KLB: variants seen among roughly 807,000 people sequenced by gnomAD.
KLB encodes the protein klotho beta, also known as beta-klotho.
In KLB, 44 loss-of-function variants were observed where a neutral mutation model predicts 88.4. The ratio of observed to expected loss-of-function variants is 0.50; its 90% confidence interval spans 0.39 to 0.64. KLB has a LOEUF of 0.64. Among genes scored for constraint, KLB ranks in the 30% least tolerant of loss-of-function variants. The pLI, the probability that KLB is intolerant of heterozygous loss-of-function variation, is 0.00. For missense variants in KLB, 1,137 were observed against 1,304.8 expected (o/e 0.87, Z 1.98); for synonymous variants, 548 against 513.4 (o/e 1.07, Z -0.91).
In KLB at chr4:39,448,288, TTATC is replaced by T. The variant is rs1450461629; in HGVS notation, c.2750-11_2750-8del. On this transcript the variant is annotated splice_polypyrimidine_tract_variant and intron_variant, in intron 4 of 4. Transcript: ENST00000257408. ...TCCATTTGTGATTAATGTTAATTTCTTATCTTTTTCAGCATACCTGATTGATAAA... is the reference window on the plus strand; with the variant it reads ...TCCATTTGTGATTAATGTTAATTTCTTTTTTCAGCATACCTGATTGATAAA... 1.3e-6 allele frequency: 2 copies of T among 1,538,170 alleles called. No individual in the cohort carries two copies. Among genetic ancestry groups the T allele is most frequent in the African/African-American group, 1.4e-5 (1 of 72,490 alleles).
rs1395563356 is a variant in KLB at position 39,437,945 on chromosome 4, G to A, written c.1555G>A (p.Gly519Ser). The change falls in exon 3 of 5, where the codon GGC becomes AGC. Residue 519 changes from glycine to serine, a missense_variant. Physicochemically the swap from Gly to Ser is moderately conservative, Grantham distance 56. Coordinates refer to ENST00000257408, the MANE Select transcript of KLB (RefSeq NM_175737.4). ...AAAAGAGTCCACGCCAGATGTGCAG[G>A]GCCAGTTTCCCTGTGACTTCTCCTG... ...SLKESTPDVQ[G>S]QFPCDFSWGV... 6.2e-7 allele frequency: 1 copy of A among 1,614,142 alleles called. No individual in the cohort carries two copies. Among genetic ancestry groups the A allele is most frequent in the East Asian group, 2.2e-5 (1 of 44,890 alleles).
intron 3 of KLB, chr4:39,441,806 ATAAAGATGAATGG>A (rs1743603726): frequency 6.6e-6 from 1 of 151,060 alleles, no homozygotes; most frequent in African/African-American, 2.4e-5. Context: ...AAATAAATAA[ATAAAGATGAATGG>A]TTTGCCAAGA....
At position 39,449,412 on chromosome 4, in the gene KLB, T is replaced by C. The variant is rs1743840363; in HGVS notation, c.*726T>C. ...CTTCTTTAAACTGGGTAGTCAGTGA[T>C]AGATAATATATATTCTGTCACTTCT... On this transcript the variant is annotated 3_prime_UTR_variant, in exon 5 of 5. Transcript: ENST00000257408. The C allele has an allele frequency of 6.6e-6, 1 of 152,014 alleles. No individual in the cohort carries two copies. Among genetic ancestry groups the C allele is most frequent in the African/African-American group, 2.4e-5 (1 of 41,376 alleles). 9.4% of individuals were successfully genotyped at this position (152,014 alleles called of 1,614,324 possible).
At chr4:39,422,157 C>T (rs762063126) in intron 1 of KLB, among the ~76,000 whole-genome samples, 5 of 152,200 alleles carry the variant, frequency 3.3e-5, no homozygotes, top group South Asian at 4.2e-4. Context: ...TTCGGGTCTA[C>T]GGTGTAAAAG....
chr4:39,432,571 T>A (rs973359425), intron 1 of KLB, among the ~76,000 whole-genome samples: 4 of 152,208 alleles, frequency 2.6e-5, no homozygotes, highest in Admixed American at 6.5e-5. Context: ...ATGTTTCTCT[T>A]TCACATGCTG....
In KLB at chr4:39,448,513, T is replaced by C. The variant is rs1425525644; in HGVS notation, c.2962T>C (p.Cys988Arg). ...CCAAGAAAATACAGAGTGCACTGTC[T>C]GCTTATTCCTTGTGCAGAAGAAACC... ...QTQENTECTV[C>R]LFLVQKKPLI... The change falls in exon 5 of 5, where the codon TGC (cysteine) becomes CGC (arginine). Residue 988 changes from cysteine to arginine, a missense_variant. Physicochemically the swap from Cys to Arg is radical, Grantham distance 180. This residue lies in a region of KLB where 426 missense variants were observed against 404.6 expected (regional missense o/e 1.05). Transcript: ENST00000257408. The C allele has an allele frequency of 2.5e-6, 4 of 1,614,216 alleles. No individual in the cohort carries two copies. Among genetic ancestry groups the C allele is most frequent in the Admixed American group, 1.7e-5 (1 of 60,036 alleles).
intron 3 of KLB, among the ~76,000 whole-genome samples, chr4:39,439,818 C>T (rs558344636): frequency 6.2e-4 from 94 of 152,250 alleles, no homozygotes; most frequent in African/African-American, 2.2e-3. Context: ...CAGGCGTGTG[C>T]CACCACTCCT....
intron 1 of KLB, among the ~76,000 whole-genome samples, chr4:39,422,264 T>C (rs961690754): frequency 7.9e-5 from 12 of 152,200 alleles, no homozygotes; most frequent in African/African-American, 2.7e-4. Context: ...GCTTTACCAC[T>C]AACTGATATC....
At chr4:39,428,269 A>G (rs1743264385) in intron 1 of KLB, among the ~76,000 whole-genome samples, 1 of 152,142 alleles carries the variant, frequency 6.6e-6, no homozygotes, top group Non-Finnish European at 1.5e-5. Context: ...TCTACTAAAA[A>G]TACAAAAAAT....
rs1015481636 is a variant in KLB, at chr4:39,451,501, A to C, written c.*2815A>C. The C allele has an allele frequency of 1.3e-5, 2 of 152,236 alleles. No individual in the cohort carries two copies. The highest frequency in any genetic ancestry group is 4.8e-5 in the African/African-American group (2 of 41,458). The allele number at this position is 152,236 out of a possible 1,614,324, so 9.4% of individuals were successfully genotyped here. A position where few individuals can be genotyped will look rare whatever the true frequency, so the allele number is the denominator to read the frequency against. On this transcript the variant is annotated 3_prime_UTR_variant, in exon 5 of 5. Transcript: ENST00000257408. ...TTTCAATGTAATTTATTCCAAATAAACTGGTTCATGCTGACCACTTGTATT... is the reference window on the plus strand; with the variant it reads ...TTTCAATGTAATTTATTCCAAATAACCTGGTTCATGCTGACCACTTGTATT...
intron 1 of KLB, among the ~76,000 whole-genome samples, chr4:39,418,494 C>T (rs1187933546): frequency 2.0e-5 from 3 of 151,962 alleles, no homozygotes; most frequent in African/African-American, 4.8e-5. Context: ...CCACCTCAGC[C>T]TCCCAAAGTG....
intron 4 of KLB, 50 bp downstream of exon 4, chr4:39,447,525 C>G: frequency 7.0e-7 from 1 of 1,430,244 alleles, no homozygotes; most frequent in Non-Finnish European, 9.4e-7. Context: ...TTCCTGTTAC[C>G]TGACAAGAAC....
chr4:39,429,661 G>C (rs1473968516), intron 1 of KLB, among the ~76,000 whole-genome samples: 3 of 152,198 alleles, frequency 2.0e-5, no homozygotes, highest in African/African-American at 7.2e-5. Flanking sequence ...CCTTGGAAAA[G>C]TGTAGAATGG....
intron 1 of KLB, among the ~76,000 whole-genome samples, chr4:39,431,970 C>G (rs1177312278): frequency 6.6e-6 from 1 of 152,196 alleles, no homozygotes. Context: ...GATAATGAGT[C>G]TGTGCATTTG....
At chr4:39,426,386 G>T (rs115023427) in intron 1 of KLB, among the ~76,000 whole-genome samples, 9,011 of 120,920 alleles carry the variant, frequency 0.075, 355 homozygotes, top group East Asian at 0.12. Flanking sequence ...CTACACTCCA[G>T]CTGGGTGACA....
At chr4:39,427,254 A>G (rs893217967) in intron 1 of KLB, among the ~76,000 whole-genome samples, 1 of 152,128 alleles carries the variant, frequency 6.6e-6, no homozygotes, top group African/African-American at 2.4e-5. Context: ...AGGCCAAGGC[A>G]GGCAGATTGC....
chr4:39,432,847 A>G (rs1743392448), intron 1 of KLB, among the ~76,000 whole-genome samples: 1 of 151,614 alleles, frequency 6.6e-6, no homozygotes, highest in Admixed American at 6.6e-5. Context: ...TCATGCATAT[A>G]TTAGCTCTAA....
At chr4:39,414,799 G>C (rs940039715) in intron 1 of KLB, among the ~76,000 whole-genome samples, 2 of 149,698 alleles carry the variant, frequency 1.3e-5, no homozygotes, top group African/African-American at 4.9e-5. Flanking sequence ...AACCCGGGAG[G>C]CGGAGGTTGC....
intron 2 of KLB, among the ~76,000 whole-genome samples, chr4:39,436,664 T>G (rs1271153073): frequency 6.6e-6 from 1 of 152,094 alleles, no homozygotes; most frequent in Non-Finnish European, 1.5e-5. Flanking sequence ...TCAGGGCTAA[T>G]TTGGGTATTT....
Sources: gnomAD v4.1 joint callset for allele counts (sites outside exome capture counted in the v4.1 genomes callset) on GRCh38, gnomAD v4.1.1 for gene constraint, gnomAD v4.1.1 regional missense constraint, MANE v1.5 for transcripts, NCBI Gene and HGNC (gene_info 2026-07-23, HGNC 2026-07-21) for gene names.